POLA1: variants seen among roughly 807,000 people sequenced by gnomAD.
POLA1 encodes DNA polymerase alpha catalytic subunit.
In POLA1, 15 loss-of-function variants were observed where a neutral mutation model predicts 124.0. That is an observed-to-expected ratio of 0.12 (90% CI 0.08 to 0.19). The LOEUF (loss-of-function observed/expected upper bound fraction) is 0.19. Ranked by LOEUF, POLA1 falls within the 10% of genes least tolerant of loss-of-function variation. POLA1 has a pLI of 1.00. For synonymous variants in POLA1, 408 were observed against 389.4 expected (o/e 1.05, Z -0.56); for missense variants, 886 against 1,103.4 (o/e 0.80, Z 2.79).
At chrX:24,852,894 T>C (rs977997638) in intron 34 of POLA1, among the ~76,000 whole-genome samples, 20 of 111,583 alleles carry the variant, frequency 1.8e-4, no homozygotes, top group Non-Finnish European at 2.6e-4. Flanking sequence ...GAGCCCAGCC[T>C]AGCAGGGCTT....
intron 22 of POLA1, among the ~76,000 whole-genome samples, chrX:24,742,920 A>G (rs1569292107): frequency 8.9e-6 from 1 of 112,316 alleles, no homozygotes; most frequent in Non-Finnish European, 1.9e-5. Context: ...ATTTTATATA[A>G]CATGAAAAGT....
At chrX:24,766,918 T>A (rs964179291) in intron 26 of POLA1, among the ~76,000 whole-genome samples, 6 of 112,280 alleles carry the variant, frequency 5.3e-5, no homozygotes, top group East Asian at 2.8e-4. Flanking sequence ...ATTAGTTTTT[T>A]AAAATTCTCC....
intron 34 of POLA1, among the ~76,000 whole-genome samples, chrX:24,878,319 T>C (rs988919840): frequency 9.0e-6 from 1 of 111,703 alleles, no homozygotes; most frequent in Non-Finnish European, 1.9e-5. Flanking sequence ...TACCAATAAA[T>C]ACTAGTCTCT....
rs972704575 is a variant in POLA1 at position 24,728,088 on chromosome X, T to C, written c.1686+152T>C. The stretch of plus-strand genomic sequence containing the variant: ...TCTTATAGAGAATGAATTGAATTTG[T>C]CTAGTGTTGGAGTTTTTTCTTAAAG... On this transcript the variant is annotated intron_variant, in intron 15 of 36. Transcript: ENST00000379068. The C allele has an allele frequency of 7.2e-6, 3 of 415,142 alleles. No individual in the cohort carries two copies. The African/African-American group carries it at 7.5e-5, about 10-fold the overall frequency. The allele number at this position is 415,142 out of a possible 1,213,427, so 34.2% of individuals were successfully genotyped here. A position where few individuals can be genotyped will look rare whatever the true frequency, so the allele number is the denominator to read the frequency against.
chrX:24,712,979 CAG>C (rs1929563167), intron 4 of POLA1, among the ~76,000 whole-genome samples: 1 of 111,181 alleles, frequency 9.0e-6, no homozygotes, highest in South Asian at 3.8e-4. Flanking sequence ...TATTTTGAGA[CAG>C]AGTCTTGCTC....
chrX:24,845,872 A>C (rs1041640170), intron 34 of POLA1, among the ~76,000 whole-genome samples: 3 of 112,195 alleles, frequency 2.7e-5, no homozygotes, highest in Non-Finnish European at 3.8e-5. Context: ...TTTTAGTCTT[A>C]GAAGCACTGC....
chrX:24,811,237 T>C (rs1032078914), intron 28 of POLA1, among the ~76,000 whole-genome samples: 2 of 108,150 alleles, frequency 1.8e-5, no homozygotes, highest in Non-Finnish European at 3.8e-5. Context: ...TGAGCCACCA[T>C]GCCCAATCCT....
intron 36 of POLA1, among the ~76,000 whole-genome samples, chrX:24,945,794 G>A (rs1451739493): frequency 9.0e-6 from 1 of 110,695 alleles, no homozygotes; most frequent in African/African-American, 3.3e-5. Flanking sequence ...GGGAGACTGG[G>A]TGGCATCTAG....
chrX:24,770,595 T>G (rs1370290576), intron 26 of POLA1, among the ~76,000 whole-genome samples: 1 of 111,659 alleles, frequency 9.0e-6, no homozygotes, highest in Non-Finnish European at 1.9e-5. Context: ...GTTTTGTTTT[T>G]GGTACACAAA....
chrX:24,753,163 C>G (rs1340955753), intron 26 of POLA1, among the ~76,000 whole-genome samples: 1 of 107,134 alleles, frequency 9.3e-6, no homozygotes, highest in Non-Finnish European at 1.9e-5. Flanking sequence ...ACACTACAGG[C>G]GCCCACCACC....
chrX:24,919,795 A>AGTTTTTTTTTTT (rs202189585), intron 35 of POLA1, among the ~76,000 whole-genome samples: 25 of 51,089 alleles, frequency 4.9e-4, no homozygotes, highest in Admixed American at 6.8e-4. Flanking sequence ...CTCCCTCCCC[A>AGTTTTTTTTTTT]GTTTTTTTTT....
At position 24,968,515 on chromosome X, in the gene POLA1, C is replaced by T. The variant is rs190254156; in HGVS notation, c.4262-27290C>T. ...GAGATTGAGACCATCCTGGCTAACA[C>T]GGTGAAACCCTGTCTCTACTAAAAA... On this transcript the variant is annotated intron_variant, in intron 36 of 36. Coordinates refer to ENST00000379068, the MANE Select transcript of POLA1 (RefSeq NM_001330360.2). Among the ~76,000 whole-genome samples the T allele has an allele frequency of 3.9e-3, 433 of 109,802 alleles. 8 individuals carry two copies. The East Asian group carries it at 0.048, about 12-fold the overall frequency.
At position 24,874,668 on chromosome X, in the gene POLA1, A is replaced by G. The variant is rs141249347; in HGVS notation, c.4048-13338A>G. 3.8e-4 allele frequency among the ~76,000 whole-genome samples: 43 copies of G among 111,835 alleles called. No individual in the cohort carries two copies. In the East Asian group the frequency reaches 0.012, roughly 31 times the overall value. ...TAGAATCACTTGGGGGAACTTCTTAACATCCCAAAGCTCATTTCGTATCCC... is the reference window on the plus strand; with the variant it reads ...TAGAATCACTTGGGGGAACTTCTTAGCATCCCAAAGCTCATTTCGTATCCC... On this transcript the variant is annotated intron_variant, in intron 34 of 36. Coordinates refer to ENST00000379068, the MANE Select transcript of POLA1 (RefSeq NM_001330360.2).
chrX:24,872,963 A>G (rs186957128), intron 34 of POLA1, among the ~76,000 whole-genome samples: 1,125 of 111,308 alleles, frequency 0.01, 8 homozygotes, highest in Non-Finnish European at 0.015. Flanking sequence ...CCTGCCCCAC[A>G]CACGTATAGT....
intron 24 of POLA1, among the ~76,000 whole-genome samples, chrX:24,746,700 C>T (rs1932022886): frequency 9.0e-6 from 1 of 111,667 alleles, no homozygotes; most frequent in African/African-American, 3.3e-5. Context: ...GAATGTGTAC[C>T]AGGATCTCTT....
At chrX:24,807,364 G>A (rs1244528176) in intron 26 of POLA1, among the ~76,000 whole-genome samples, 1 of 112,339 alleles carries the variant, frequency 8.9e-6, no homozygotes, top group African/African-American at 3.2e-5. Context: ...AGAGGGTAAA[G>A]AGGACTCTTG....
chrX:24,827,144 T>C (rs1472787169), intron 32 of POLA1, among the ~76,000 whole-genome samples: 3 of 112,320 alleles, frequency 2.7e-5, no homozygotes, highest in Non-Finnish European at 5.6e-5. Context: ...TTCTAAGTTA[T>C]CATCATCCGA....
chrX:24,749,001 C>T lies in POLA1; in HGVS notation c.2964+9C>T, dbSNP rs200750264. The T allele has an allele frequency of 5.9e-6, 7 of 1,177,286 alleles. No individual in the cohort carries two copies. The highest frequency in any genetic ancestry group is 1.8e-5 in the African/African-American group (1 of 56,522). On this transcript the variant is annotated intron_variant, in intron 26 of 36. Coordinates refer to ENST00000379068, the MANE Select transcript of POLA1 (RefSeq NM_001330360.2). ...CATACAAAGGAAGGGAGGTAAATGG[C>T]GTAATAACATTCACATCTCTAGATA...
intron 36 of POLA1, among the ~76,000 whole-genome samples, chrX:24,941,607 A>C (rs763458306): frequency 1.9e-4 from 21 of 112,408 alleles, no homozygotes; most frequent in Non-Finnish European, 3.4e-4. Context: ...GCTACCCTTC[A>C]TATACAAAGA....
Sources: allele counts gnomAD v4.1 joint callset (sites outside exome capture counted in the v4.1 genomes callset), GRCh38; gene constraint gnomAD v4.1.1; transcripts MANE v1.5; gene names NCBI Gene and HGNC (gene_info 2026-07-23, HGNC 2026-07-21).